The following RIOK1 variants were observed in gnomAD, a reference collection of about 807,000 sequenced individuals.
RIOK1 encodes the protein RIO kinase 1, also known as serine/threonine-protein kinase RIO1.
RIOK1 carries 66 observed loss-of-function variants against 73.5 expected under a neutral mutation model. That is an observed-to-expected ratio of 0.90 (90% CI 0.74 to 1.10). The LOEUF is 1.10. RIOK1 is among the 50% of genes least tolerant of loss of function. The pLI is 0.00. For synonymous variants in RIOK1, 224 were observed against 226.8 expected (o/e 0.99, Z 0.11); for missense variants, 658 against 699.8 (o/e 0.94, Z 0.67).
At chr6:7,397,814 A>G (rs908343144) in intron 4 of RIOK1, among the ~76,000 whole-genome samples, 1 of 152,228 alleles carries the variant, frequency 6.6e-6, no homozygotes, top group Non-Finnish European at 1.5e-5. Flanking sequence ...AGCAAATCAG[A>G]GTCTGCATTT....
In RIOK1 at chr6:7,417,241, C is replaced by A. The variant is rs975576132; in HGVS notation, c.1597-90C>A. 12 of 749,516 alleles carry A rather than the reference C, an allele frequency of 1.6e-5. No homozygotes were observed. In the East Asian group the frequency reaches 2.2e-4, roughly 14 times the overall value. 46.4% of individuals were successfully genotyped at this position (749,516 alleles called of 1,614,324 possible). A position where few individuals can be genotyped will look rare whatever the true frequency, so the allele number is the denominator to read the frequency against. ...CTCCAGCCTGGGCGACAGAGCAAGACCCTGTCTAAAAAACAAAAAACAAAA... is the reference window on the plus strand; with the variant it reads ...CTCCAGCCTGGGCGACAGAGCAAGAACCTGTCTAAAAAACAAAAAACAAAA... On this transcript the variant is annotated intron_variant, in intron 16 of 16. Transcript: ENST00000379834.
rs1028135622 is a variant in RIOK1, at chr6:7,406,807, C to G, written c.1203+1452C>G. On this transcript the variant is annotated intron_variant, in intron 12 of 16. Transcript: ENST00000379834. ...CCCTGAGTAGCTGGGACTACAGGTG[C>G]GAGCCACTACACCCGGCTAATTTGG... 9.9e-5 allele frequency among the ~76,000 whole-genome samples: 15 copies of G among 152,082 alleles called. No homozygotes were observed. The East Asian group carries it at 2.7e-3, about 28-fold the overall frequency.
chr6:7,410,194 G>T (rs1581722018), intron 12 of RIOK1, among the ~76,000 whole-genome samples, 192 bp from the exon 13 acceptor site: 1 of 152,292 alleles, frequency 6.6e-6, no homozygotes, highest in East Asian at 1.9e-4. Flanking sequence ...TTACTTTTGG[G>T]TTGATGGCAG....
At chr6:7,390,377 G>A (rs946402051) in intron 1 of RIOK1, among the ~76,000 whole-genome samples, 1 of 152,144 alleles carries the variant, frequency 6.6e-6, no homozygotes, top group African/African-American at 2.4e-5. Context: ...CACATTTAGC[G>A]TTCAACAAAT....
intron 1 of RIOK1, among the ~76,000 whole-genome samples, chr6:7,392,671 C>T (rs186629564): frequency 6.6e-5 from 10 of 152,172 alleles, no homozygotes; most frequent in African/African-American, 1.7e-4. Context: ...AGGTGTGAAC[C>T]GCTGCACCAG....
chr6:7,414,464 T>A, intron 16 of RIOK1, 74 bp downstream of exon 16: 1 of 1,340,152 alleles, frequency 7.5e-7, no homozygotes, highest in Non-Finnish European at 1.0e-6. Flanking sequence ...TGCTCAAGGA[T>A]CTAGCTAGAT....
chr6:7,400,192 A>G (rs1161546326), intron 5 of RIOK1, among the ~76,000 whole-genome samples: 1 of 152,220 alleles, frequency 6.6e-6, no homozygotes, highest in East Asian at 1.9e-4. Context: ...CTAATCTATA[A>G]TGGCAGGGGT....
At chr6:7,405,128 A>G in intron 11 of RIOK1, 107 bp downstream of exon 11, 1 of 1,088,010 alleles carries the variant, frequency 9.2e-7, no homozygotes, top group Non-Finnish European at 1.4e-6. Context: ...TGGTGCAGTG[A>G]TGCTTAAACC....
In RIOK1 at chr6:7,417,348, C is replaced by T. The variant is rs150837653; in HGVS notation, c.1614C>T (p.Val538=). ...DIDKKERKKM[V]KEAQREKRKN... The stretch of plus-strand genomic sequence containing the variant: ...TTTTACAGGAAAGAAAAAAGATGGT[C>T]AAGGAAGCCCAGAGAGAGAAAAGAA... Residue 538 remains valine (V), a synonymous_variant, in exon 17 of 17, where the codon GTC becomes GTT. Transcript: ENST00000379834. 1.2e-5 allele frequency: 18 copies of T among 1,541,592 alleles called. No homozygotes were observed. In the African/African-American group the frequency reaches 1.5e-4, roughly 13 times the overall value.
rs115679890 is a variant in RIOK1, at chr6:7,407,864, C to T, written c.1203+2509C>T. ...TTGTATTTTCTGGATATGTCAGATA[C>T]GTGATTTGCAAATGTTTATTCCCAT... On this transcript the variant is annotated intron_variant, in intron 12 of 16. Coordinates refer to ENST00000379834, the MANE Select transcript of RIOK1 (RefSeq NM_031480.3). 4.7e-3 allele frequency among the ~76,000 whole-genome samples: 709 copies of T among 152,120 alleles called. 7 individuals are homozygous for T. The highest frequency in any genetic ancestry group is 0.015 in the African/African-American group (632 of 41,502).
Position 7,414,278 on chromosome 6 carries a change from G to T in RIOK1, c.1484G>T (p.Cys495Phe), listed in dbSNP as rs774091177. The T allele has an allele frequency of 6.2e-7, 1 of 1,613,748 alleles. No individual in the cohort carries two copies. Among genetic ancestry groups the T allele is most frequent in the Non-Finnish European group, 8.5e-7 (1 of 1,179,904 alleles). The change falls in exon 16 of 17, where the codon TGT (cysteine) becomes TTT (phenylalanine). Residue 495 changes from cysteine (C) to phenylalanine (F), a missense_variant. Coordinates refer to ENST00000379834, the MANE Select transcript of RIOK1 (RefSeq NM_031480.3). ...GAAAATCAAGTGGAGGAAAGGACTT[G>T]TTCTGATTCAGAAGATATTGGAAGC... ...LLENQVEERT[C>F]SDSEDIGSSE...
rs1210919327 is a variant in RIOK1, at chr6:7,390,067, C to T, written c.65C>T (p.Ser22Phe). The change falls in exon 1 of 17, where the codon TCT becomes TTT. Residue 22 changes from serine to phenylalanine, a missense_variant. By Grantham distance (155) the Ser-to-Phe change is radical. Coordinates refer to ENST00000379834, the MANE Select transcript of RIOK1 (RefSeq NM_031480.3). Reference protein sequence around the residue: ...VPGQFDDADSSDSENRDLKTV... With the variant: ...VPGQFDDADSFDSENRDLKTV... ...GGGCAATTCGACGACGCGGACTCCT[C>T]TGACAGGTAGGCGGCCGTACAGTGC... The T allele has an allele frequency of 2.6e-6, 4 of 1,559,206 alleles. No homozygotes were observed. The African/African-American group carries it at 5.5e-5, about 21-fold the overall frequency.
In RIOK1 at chr6:7,405,791, C is replaced by CT. The variant is rs1195811408; in HGVS notation, c.1203+452dup. ...TAAAGCCAGGGGTTTTTTTTTTTTC[C>CT]TTTTTTTTTTTTTTTTCTTCTCCTG... On this transcript the variant is annotated intron_variant, in intron 12 of 16. Coordinates refer to ENST00000379834, the MANE Select transcript of RIOK1 (RefSeq NM_031480.3). Among the ~76,000 whole-genome samples, 228 of 120,056 alleles carry CT rather than the reference C, an allele frequency of 1.9e-3. 1 individual carries two copies. Among genetic ancestry groups the CT allele is most frequent in the South Asian group, 0.01 (35 of 3,402 alleles). 78.8% of individuals were successfully genotyped at this position (120,056 alleles called of 152,430 possible).
chr6:7,400,830 ACT>A (rs1761593500), intron 5 of RIOK1, 126 bp from the exon 6 acceptor site: 1 of 580,868 alleles, frequency 1.7e-6, no homozygotes, highest in Non-Finnish European at 3.0e-6. Flanking sequence ...CCAAATAGTG[ACT>A]CTCATTTAGT....
intron 2 of RIOK1, 179 bp from the exon 3 acceptor site, chr6:7,394,874 T>G (rs1026100852): frequency 1.3e-6 from 1 of 791,034 alleles, no homozygotes; most frequent in African/African-American, 1.8e-5. Context: ...ATTTTAACCT[T>G]CTGTTTCAAA....
In RIOK1 at chr6:7,404,600, T is replaced by C. The variant is rs1761698214; in HGVS notation, c.992+45T>C. 3.1e-6 allele frequency: 5 copies of C among 1,598,968 alleles called. No individual in the cohort carries two copies. In the East Asian group the frequency reaches 1.1e-4, roughly 36 times the overall value. ...TAAGAACTGCCTGTCAGTTGTTTCG[T>C]GTCCTTTAAAATGATAAACAAAATC... is the stretch of plus-strand genomic sequence containing the variant. On this transcript the variant is annotated intron_variant, in intron 10 of 16. Transcript: ENST00000379834.
chr6:7,405,024 G>A lies in RIOK1; in HGVS notation c.1096+3G>A. 1.2e-6 allele frequency: 2 copies of A among 1,611,066 alleles called. No individual in the cohort carries two copies. Among genetic ancestry groups the A allele is most frequent in the East Asian group, 4.5e-5 (2 of 44,876 alleles). On this transcript the variant is annotated splice_donor_region_variant and intron_variant, in intron 11 of 16. Coordinates refer to ENST00000379834, the MANE Select transcript of RIOK1 (RefSeq NM_031480.3). Reference sequence around the variant, plus strand: ...AAAGGATTGCGCCAACGTCAATGGTGAGTAGAAACGGCAATTTTCGAAACA... The same window carrying A: ...AAAGGATTGCGCCAACGTCAATGGTAAGTAGAAACGGCAATTTTCGAAACA...
rs1228728066 is a variant in RIOK1, at chr6:7,395,109, G to C, written c.333G>C (p.Lys111Asn). ...SSAKMSTPAD[K>N]VLRKFENKIN... ...CCAAAATGTCTACTCCAGCAGACAAGGTCTTACGGAAATTTGAGAATAAAA... is the reference window on the plus strand; with the variant it reads ...CCAAAATGTCTACTCCAGCAGACAACGTCTTACGGAAATTTGAGAATAAAA... The change falls in exon 3 of 17, where the codon AAG (lysine) becomes AAC (asparagine). Residue 111 changes from lysine (K) to asparagine (N), a missense_variant. Transcript: ENST00000379834. 3.1e-6 allele frequency: 5 copies of C among 1,613,544 alleles called. No individual in the cohort carries two copies. Among genetic ancestry groups the C allele is most frequent in the Admixed American group, 3.3e-5 (2 of 60,018 alleles).
chr6:7,394,965 A>G lies in RIOK1; in HGVS notation c.277-88A>G, dbSNP rs140246108. The G allele has an allele frequency of 2.6e-4, 408 of 1,560,642 alleles. 1 individual carries two copies. The African/African-American group carries it at 5.0e-3, about 19-fold the overall frequency. On this transcript the variant is annotated intron_variant, in intron 2 of 16. Transcript: ENST00000379834. ...TACTCCTCTAAGTATTGATGCTTTA[A>G]TAGCTAAGTATGAACTAAGGAAATG...
Sources: gnomAD v4.1 joint callset for allele counts (sites outside exome capture counted in the v4.1 genomes callset) on GRCh38, gnomAD v4.1.1 for gene constraint, MANE v1.5 for transcripts, NCBI Gene and HGNC (gene_info 2026-07-23, HGNC 2026-07-21) for gene names.